DCC: variants seen among roughly 807,000 people sequenced by gnomAD.
DCC encodes the protein DCC netrin 1 receptor.
In DCC, 58 loss-of-function variants were observed where a neutral mutation model predicts 172.5. The ratio of observed to expected loss-of-function variants is 0.34; its 90% confidence interval spans 0.27 to 0.42. The LOEUF is 0.42. DCC is among the 10% of genes least tolerant of loss of function. DCC has a pLI of 1.00. For synonymous variants in DCC, 709 were observed against 644.5 expected (o/e 1.10, Z -1.52); for missense variants, 1,740 against 1,791.0 (o/e 0.97, Z 0.51).
chr18:52,864,584 G>A (rs2039191381), intron 2 of DCC, among the ~76,000 whole-genome samples: 1 of 151,994 alleles, frequency 6.6e-6, no homozygotes, highest in Non-Finnish European at 1.5e-5. Context: ...GTATACACAC[G>A]TTACATAGGT....
chr18:53,527,135 GTT>G (rs1232581339), intron 28 of DCC, among the ~76,000 whole-genome samples: 1 of 117,538 alleles, frequency 8.5e-6, no homozygotes, highest in African/African-American at 3.2e-5. Context: ...GTGTGTGTGT[GTT>G]TCTTTTCAAT....
intron 1 of DCC, among the ~76,000 whole-genome samples, chr18:52,368,762 T>G (rs1234355454): frequency 6.6e-6 from 1 of 152,230 alleles, no homozygotes; most frequent in East Asian, 1.9e-4. Context: ...AACTCTAGTC[T>G]TTGTTCAGGA....
intron 12 of DCC, among the ~76,000 whole-genome samples, chr18:53,280,779 C>T (rs1470323187): frequency 1.3e-5 from 2 of 151,974 alleles, no homozygotes; most frequent in Non-Finnish European, 2.9e-5. Flanking sequence ...TCTGTTTCCT[C>T]ACTTAAAACC....
At chr18:53,398,247 T>C (rs973942893) in intron 18 of DCC, among the ~76,000 whole-genome samples, 8 of 152,284 alleles carry the variant, frequency 5.3e-5, no homozygotes, top group Non-Finnish European at 4.4e-5. Context: ...GTTGAATTTA[T>C]CTTTCCATTA....
chr18:53,101,051 G>A (rs2043165397), intron 7 of DCC, among the ~76,000 whole-genome samples: 1 of 152,078 alleles, frequency 6.6e-6, no homozygotes, highest in Non-Finnish European at 1.5e-5. Context: ...TATTTGGATG[G>A]CTGTCTTTTT....
intron 1 of DCC, among the ~76,000 whole-genome samples, chr18:52,590,846 G>C (rs1468767518): frequency 2.0e-5 from 3 of 152,200 alleles, no homozygotes; most frequent in African/African-American, 7.2e-5. Context: ...CCAAAAAGGA[G>C]TTTATAATCT....
At chr18:52,959,626 T>G (rs1235051419) in intron 5 of DCC, among the ~76,000 whole-genome samples, 2 of 152,114 alleles carry the variant, frequency 1.3e-5, no homozygotes, top group South Asian at 2.1e-4. Context: ...TTTTAAGTAT[T>G]GAAAATAAAA....
chr18:52,860,274 A>G (rs2039119261), intron 2 of DCC, among the ~76,000 whole-genome samples: 1 of 152,224 alleles, frequency 6.6e-6, no homozygotes, highest in African/African-American at 2.4e-5. Flanking sequence ...GCTGGCACAA[A>G]AGCTGCTTAT....
intron 27 of DCC, among the ~76,000 whole-genome samples, chr18:53,517,951 GA>G (rs1414688932): frequency 6.6e-6 from 1 of 152,114 alleles, no homozygotes; most frequent in African/African-American, 2.4e-5. Context: ...ATTTGTTGAA[GA>G]TGAAAGGGTA....
At chr18:52,999,226 T>G (rs1034269370) in intron 5 of DCC, among the ~76,000 whole-genome samples, 2 of 152,094 alleles carry the variant, frequency 1.3e-5, no homozygotes, top group African/African-American at 4.8e-5. Context: ...TTTATCTTTG[T>G]GTCCAAAGAC....
intron 1 of DCC, among the ~76,000 whole-genome samples, chr18:52,561,768 T>C (rs1411600254): frequency 6.6e-6 from 1 of 152,148 alleles, no homozygotes; most frequent in Non-Finnish European, 1.5e-5. Context: ...TGAGAAAATG[T>C]GTGTGACCAG....
At chr18:53,197,562 T>G (rs541466177) in intron 9 of DCC, among the ~76,000 whole-genome samples, 2 of 152,078 alleles carry the variant, frequency 1.3e-5, no homozygotes, top group East Asian at 3.9e-4. Context: ...AACATTTATC[T>G]TCATTTTGGA....
chr18:53,310,833 A>G (rs1467666937), intron 13 of DCC, among the ~76,000 whole-genome samples: 1 of 152,202 alleles, frequency 6.6e-6, no homozygotes, highest in Non-Finnish European at 1.5e-5. Context: ...AATTAGAAAT[A>G]GAACATAAGA....
At chr18:52,367,444 C>T (rs1452672346) in intron 1 of DCC, among the ~76,000 whole-genome samples, 2 of 152,236 alleles carry the variant, frequency 1.3e-5, no homozygotes, top group Non-Finnish European at 2.9e-5. Flanking sequence ...GCTCTGAGGA[C>T]TGCCAGCACG....
chr18:53,054,281 A>G (rs2042373443), intron 5 of DCC, among the ~76,000 whole-genome samples: 1 of 152,024 alleles, frequency 6.6e-6, no homozygotes, highest in South Asian at 2.1e-4. Context: ...TATATGAAGG[A>G]CCAGCTATAT....
intron 1 of DCC, among the ~76,000 whole-genome samples, chr18:52,537,703 G>A (rs750887802): frequency 1.3e-5 from 2 of 152,132 alleles, no homozygotes; most frequent in Non-Finnish European, 2.9e-5. Context: ...GAACAAAGAT[G>A]CAGATTCCAA....
chr18:53,279,212 G>A (rs1418724198), intron 12 of DCC, among the ~76,000 whole-genome samples: 1 of 151,922 alleles, frequency 6.6e-6, no homozygotes, highest in East Asian at 1.9e-4. Context: ...GCTTATTGTG[G>A]CACTATTCAC....
chr18:53,164,757 GAAAATT>G (rs1445476272), intron 8 of DCC, among the ~76,000 whole-genome samples: 2 of 152,186 alleles, frequency 1.3e-5, no homozygotes, highest in Non-Finnish European at 2.9e-5. Context: ...CATGTGGGTT[GAAAATT>G]AAAATAACTG....
chr18:52,642,274 G>C (rs1467554929), intron 1 of DCC, among the ~76,000 whole-genome samples: 2 of 151,822 alleles, frequency 1.3e-5, no homozygotes, highest in African/African-American at 4.8e-5. Flanking sequence ...TAGGCTGTGA[G>C]GATGCAAAGG....
Sources: allele counts gnomAD v4.1 joint callset (sites outside exome capture counted in the v4.1 genomes callset), GRCh38; gene constraint gnomAD v4.1.1; transcripts MANE v1.5; gene names NCBI Gene and HGNC (gene_info 2026-07-23, HGNC 2026-07-21).